DNTTIP2: variants seen among roughly 807,000 people sequenced by gnomAD.
DNTTIP2 encodes the protein deoxynucleotidyltransferase terminal-interacting protein 2.
Under a neutral mutation model 62.4 loss-of-function variants are expected in DNTTIP2, and 47 were observed. The ratio of observed to expected loss-of-function variants is 0.75; its 90% confidence interval spans 0.60 to 0.96. The LOEUF is 0.96. Ranked by LOEUF, DNTTIP2 falls within the 40% of genes least tolerant of loss-of-function variation. The probability of loss-of-function intolerance (pLI) is 0.00; values close to 1 mark genes in which losing one functional copy is unlikely to be tolerated. For synonymous variants in DNTTIP2, 322 were observed against 300.9 expected (o/e 1.07, Z -0.73); for missense variants, 870 against 849.1 (o/e 1.02, Z -0.31).
Position 93,876,360 on chromosome 1 carries a change from A to G in DNTTIP2, c.1575T>C (p.Asp525=), listed in dbSNP as rs1557719065. 1 of 1,561,490 alleles carries G rather than the reference A, an allele frequency of 6.4e-7. No homozygotes were observed. Among genetic ancestry groups the G allele is most frequent in the East Asian group, 2.4e-5 (1 of 42,032 alleles). The change falls in exon 2 of 7, where the codon GAT becomes GAC. Residue 525 remains aspartate, a synonymous_variant. Transcript: ENST00000436063. ...AIEEEKEEEE[D]EKSEEDSSDH... is the part of the protein sequence containing the mutation. Reference sequence around the variant, plus strand: ...CTGATGAATCTTCTTCACTTTTTTCATCCTCTTCCTCTTCTTTTTCTTCCT... The same window carrying G: ...CTGATGAATCTTCTTCACTTTTTTCGTCCTCTTCCTCTTCTTTTTCTTCCT...
chr1:93,874,848 C>T (rs1438746864), intron 3 of DNTTIP2, among the ~76,000 whole-genome samples: 1 of 152,066 alleles, frequency 6.6e-6, no homozygotes, highest in African/African-American at 2.4e-5. Context: ...GCTTGAAGAA[C>T]AAGATGAAAA....
In DNTTIP2 at chr1:93,876,629, CCT is replaced by C; in HGVS notation, c.1304_1305del (p.Gln435ArgfsTer2). The C allele has an allele frequency of 6.2e-7, 1 of 1,613,936 alleles. No individual in the cohort carries two copies. The highest frequency in any genetic ancestry group is 2.2e-5 in the East Asian group (1 of 44,866). On this transcript the variant is annotated frameshift_variant, in exon 2 of 7. Transcript: ENST00000436063. LOFTEE classifies it high-confidence loss of function. ...KLYTSAPNTS[Q>X]GKDNSVLLVL... Reference sequence around the variant, plus strand: ...ACTAGTAAGACAGAATTATCTTTACCCTGAGATGTGTTGGGCGCAGACGTGTA... The same window carrying C: ...ACTAGTAAGACAGAATTATCTTTACCGAGATGTGTTGGGCGCAGACGTGTA...
rs559628049 is a variant in DNTTIP2, at chr1:93,878,201, G to A, written c.73-339C>T. On this transcript the variant is annotated intron_variant, in intron 1 of 6. Transcript: ENST00000436063. ...CACCTGTAATCCCAACTACTCAGGAGCCTGAGGCAGAAGAATTGTTGGAAT... is the reference window on the plus strand; with the variant it reads ...CACCTGTAATCCCAACTACTCAGGAACCTGAGGCAGAAGAATTGTTGGAAT... Among the ~76,000 whole-genome samples, 51 of 152,238 alleles carry A rather than the reference G, an allele frequency of 3.4e-4. 1 individual carries two copies. Among genetic ancestry groups the A allele is most frequent in the Admixed American group, 1.4e-3 (21 of 15,292 alleles).
At chr1:93,871,492 T>C (rs2143992) in intron 5 of DNTTIP2, among the ~76,000 whole-genome samples, 71,258 of 151,978 alleles carry the variant, frequency 0.47, 17,023 homozygotes, top group East Asian at 0.62. Context: ...AAACAAGAAC[T>C]ATGGATATGC....
chr1:93,877,934 C>T (rs905347075), intron 1 of DNTTIP2, 72 bp from the exon 2 acceptor site: 1 of 1,482,730 alleles, frequency 6.7e-7, no homozygotes, highest in Non-Finnish European at 8.9e-7. Flanking sequence ...AAATACTGAC[C>T]CCAAAAGCTA....
chr1:93,872,070 A>T lies in DNTTIP2; in HGVS notation c.2067+2T>A. 6.2e-7 allele frequency: 1 copy of T among 1,613,674 alleles called. No individual in the cohort carries two copies. Among genetic ancestry groups the T allele is most frequent in the Non-Finnish European group, 8.5e-7 (1 of 1,179,720 alleles). ...ATCACCACTATTCTGTTTGCTTCAT[A>T]CCTGGAAGTACTTGGGGAAGCCATC... On this transcript the variant is annotated splice_donor_variant, in intron 5 of 6. Coordinates refer to ENST00000436063, the MANE Select transcript of DNTTIP2 (RefSeq NM_014597.5). LOFTEE classifies it high-confidence loss of function.
rs111492187 is a variant in DNTTIP2 at position 93,878,340 on chromosome 1, T to C, written c.73-478A>G. Among the ~76,000 whole-genome samples, 87 of 152,174 alleles carry C rather than the reference T, an allele frequency of 5.7e-4. 1 individual carries two copies. Among genetic ancestry groups the C allele is most frequent in the African/African-American group, 1.5e-3 (64 of 41,530 alleles). ...AACAAAAAAATCAAAATTTAAACAC[T>C]GGAGCCAACCCTGCATTTACTTCAC... On this transcript the variant is annotated intron_variant, in intron 1 of 6. Coordinates refer to ENST00000436063, the MANE Select transcript of DNTTIP2 (RefSeq NM_014597.5).
intron 2 of DNTTIP2, among the ~76,000 whole-genome samples, 180 bp from the exon 3 acceptor site, chr1:93,875,963 A>ATTATT (rs1571184961): frequency 6.6e-6 from 1 of 151,260 alleles, no homozygotes; most frequent in East Asian, 2.0e-4. Flanking sequence ...TATATTTTTC[A>ATTATT]TCATTTTATT....
In DNTTIP2 at chr1:93,879,186, T is replaced by A; in HGVS notation, c.-38A>T. 6.2e-7 allele frequency: 1 copy of A among 1,603,426 alleles called. No homozygotes were observed. Among genetic ancestry groups the A allele is most frequent in the Non-Finnish European group, 8.5e-7 (1 of 1,177,024 alleles). The stretch of plus-strand genomic sequence containing the variant: ...CTCGCGACCACCACGACTTCCCTCT[T>A]CCCTGGCGCTCCGGAAATGCGTCAG... On this transcript the variant is annotated 5_prime_UTR_variant, in exon 1 of 7. Transcript: ENST00000436063.
intron 4 of DNTTIP2, among the ~76,000 whole-genome samples, chr1:93,872,519 C>A (rs901585094): frequency 6.6e-5 from 10 of 152,122 alleles, no homozygotes; most frequent in African/African-American, 2.4e-4. Context: ...GAGAATAACA[C>A]ACAACTTCAA....
Position 93,877,584 on chromosome 1 carries a change from G to C in DNTTIP2, c.351C>G (p.Ser117=). Residue 117 remains serine (S), a synonymous_variant, in exon 2 of 7, where the codon TCC becomes TCG. Transcript: ENST00000436063. The part of the protein sequence containing the change: ...TRRRQILIAC[S]PVSSVRKKPK... ...GCTTTTTCCTAACACTGGACACTGG[G>C]GAGCATGCAATTAAGATCTGCCTTC... The C allele has an allele frequency of 1.9e-6, 3 of 1,613,934 alleles. No homozygotes were observed. The highest frequency in any genetic ancestry group is 2.5e-6 in the Non-Finnish European group (3 of 1,179,888).
intron 5 of DNTTIP2, 129 bp downstream of exon 5, chr1:93,871,943 G>T: frequency 9.8e-7 from 1 of 1,024,478 alleles, no homozygotes; most frequent in Non-Finnish European, 1.4e-6. Context: ...GGCCTATGCA[G>T]ATATGTTCCA....
rs925271944 is a variant in DNTTIP2 at position 93,866,695 on chromosome 1, C to T, written c.*3156G>A. The T allele has an allele frequency of 7.2e-5, 11 of 152,128 alleles. No individual in the cohort carries two copies. Among genetic ancestry groups the T allele is most frequent in the Non-Finnish European group, 1.6e-4 (11 of 68,048 alleles). The allele number at this position is 152,128 out of a possible 1,614,324, so 9.4% of individuals were successfully genotyped here. On this transcript the variant is annotated 3_prime_UTR_variant, in exon 7 of 7. Coordinates refer to ENST00000436063, the MANE Select transcript of DNTTIP2 (RefSeq NM_014597.5). ...TTATGGGACCCAAAAAAGACATTTT[C>T]CCAGGTTTCAGAAGAGGAATATTGG...
chr1:93,869,037 G>A lies in DNTTIP2; in HGVS notation c.*814C>T, dbSNP rs185130658. 6.6e-6 allele frequency: 1 copy of A among 152,134 alleles called. No homozygotes were observed. The highest frequency in any genetic ancestry group is 2.4e-5 in the African/African-American group (1 of 41,520). The allele number at this position is 152,134 out of a possible 1,614,324, so 9.4% of individuals were successfully genotyped here. The stretch of plus-strand genomic sequence containing the variant: ...TGCTGATATCTCAAGGAAGCAGTAT[G>A]CTGGAAAAATAGAGGTAAAGTGAAT... On this transcript the variant is annotated 3_prime_UTR_variant, in exon 7 of 7. Coordinates refer to ENST00000436063, the MANE Select transcript of DNTTIP2 (RefSeq NM_014597.5).
In DNTTIP2 at chr1:93,867,100, C is replaced by CCACTA. The variant is rs1422796144; in HGVS notation, c.*2746_*2750dup. ...GAGGTTGCAGTGAACCAAGATCATG[C>CCACTA]CACTACACTCCAGCCTGGGCGACAG... On this transcript the variant is annotated 3_prime_UTR_variant, in exon 7 of 7. Transcript: ENST00000436063. The CCACTA allele has an allele frequency of 6.8e-6, 1 of 146,244 alleles. No individual in the cohort carries two copies. Among genetic ancestry groups the CCACTA allele is most frequent in the Non-Finnish European group, 1.5e-5 (1 of 67,552 alleles). 9.1% of individuals were successfully genotyped at this position (146,244 alleles called of 1,614,324 possible).
At chr1:93,870,050 G>A (rs1571181656) in intron 6 of DNTTIP2, 106 bp from the exon 7 acceptor site, 2 of 632,944 alleles carry the variant, frequency 3.2e-6, no homozygotes, top group East Asian at 5.4e-5. Context: ...GACAAGTATA[G>A]TCTCTGACCT....
At chr1:93,870,875 G>GCTAC in intron 5 of DNTTIP2, 83 bp from the exon 6 acceptor site, 1 of 599,306 alleles carries the variant, frequency 1.7e-6, no homozygotes, top group Non-Finnish European at 2.7e-6. Context: ...TATATTTAGA[G>GCTAC]AAAGGAATGG....
intron 4 of DNTTIP2, among the ~76,000 whole-genome samples, chr1:93,872,757 T>G (rs1338526858): frequency 1.3e-5 from 2 of 152,180 alleles, no homozygotes; most frequent in Non-Finnish European, 2.9e-5. Flanking sequence ...AAGTATTTAG[T>G]TAGTGCCTAC....
At chr1:93,873,675 T>C (rs2100885389) in intron 3 of DNTTIP2, among the ~76,000 whole-genome samples, 1 of 149,606 alleles carries the variant, frequency 6.7e-6, no homozygotes, top group East Asian at 2.0e-4. Flanking sequence ...CTCATGCCTA[T>C]AATCCCAACT....
Sources: allele counts gnomAD v4.1 joint callset (sites outside exome capture counted in the v4.1 genomes callset), GRCh38; gene constraint gnomAD v4.1.1; transcripts MANE v1.5; gene names NCBI Gene and HGNC (gene_info 2026-07-23, HGNC 2026-07-21).